The following LRRTM4 variants were observed in gnomAD, a reference collection of about 807,000 sequenced individuals.
LRRTM4 encodes leucine rich repeat transmembrane neuronal 4.
In LRRTM4, 25 loss-of-function variants were observed where a neutral mutation model predicts 47.6. That is an observed-to-expected ratio of 0.53 (90% confidence interval 0.38 to 0.73). The LOEUF is 0.73. Ranked by LOEUF, LRRTM4 falls within the 30% of genes least tolerant of loss-of-function variation. The probability of loss-of-function intolerance (pLI) is 0.00; values close to 1 mark genes in which losing one functional copy is unlikely to be tolerated. For synonymous variants in LRRTM4, 311 were observed against 269.5 expected, an observed-to-expected ratio of 1.15 and a Z score of -1.51; for missense variants, 638 against 713.4, an observed-to-expected ratio of 0.89 and a Z score of 1.20.
intron 3 of LRRTM4, among the ~76,000 whole-genome samples, chr2:76,870,546 T>C (rs13402959): frequency 0.014 from 2,131 of 152,078 alleles, 53 homozygotes; most frequent in African/African-American, 0.049. Flanking sequence ...GCCAATGAAC[T>C]TTTTTTTCCA....
chr2:77,090,017 T>C (rs1236346006), intron 3 of LRRTM4, among the ~76,000 whole-genome samples: 1 of 152,112 alleles, frequency 6.6e-6, no homozygotes, highest in African/African-American at 2.4e-5. Context: ...GTTATCTTCC[T>C]TTTCTACAGA....
At chr2:77,297,576 A>C (rs1279558491) in intron 3 of LRRTM4, among the ~76,000 whole-genome samples, 1 of 152,164 alleles carries the variant, frequency 6.6e-6, no homozygotes, top group Non-Finnish European at 1.5e-5. Context: ...CTTTGGACCC[A>C]GGGATTAATT....
At chr2:76,775,578 T>G (rs1331339630) in intron 3 of LRRTM4, among the ~76,000 whole-genome samples, 1 of 152,028 alleles carries the variant, frequency 6.6e-6, no homozygotes, top group Admixed American at 6.6e-5. Flanking sequence ...ACCTTCCTGT[T>G]TTACAAGCAA....
intron 3 of LRRTM4, among the ~76,000 whole-genome samples, chr2:76,939,153 G>A (rs1675051854): frequency 6.6e-6 from 1 of 150,598 alleles, no homozygotes; most frequent in Non-Finnish European, 1.5e-5. Flanking sequence ...ACCTGTTACT[G>A]AAAAAAAAAT....
chr2:77,039,905 A>G (rs973562634), intron 3 of LRRTM4, among the ~76,000 whole-genome samples: 34 of 151,136 alleles, frequency 2.2e-4, no homozygotes, highest in Non-Finnish European at 3.0e-5. Flanking sequence ...TTTTCTCATT[A>G]GTTAATATTA....
intron 3 of LRRTM4, among the ~76,000 whole-genome samples, chr2:77,005,054 C>T (rs537377216): frequency 6.6e-6 from 1 of 152,116 alleles, no homozygotes; most frequent in African/African-American, 2.4e-5. Context: ...GGACTTGCCT[C>T]GTCTGCAATG....
rs183147485 is a variant in LRRTM4 at position 77,273,845 on chromosome 2, C to T, written c.1551+244473G>A. Among the ~76,000 whole-genome samples the T allele has an allele frequency of 2.0e-5, 3 of 152,252 alleles. No individual in the cohort carries two copies. The East Asian group carries it at 5.8e-4, about 29-fold the overall frequency. The stretch of plus-strand genomic sequence containing the variant: ...TCATGTATTGATTGACTTTACAAAA[C>T]ATGTGGATGTTTACATATTACCATA... On this transcript the variant is annotated intron_variant, in intron 3 of 3. Transcript: ENST00000409884.
chr2:77,004,130 A>G (rs1029116764), intron 3 of LRRTM4, among the ~76,000 whole-genome samples: 6 of 152,222 alleles, frequency 3.9e-5, no homozygotes, highest in Non-Finnish European at 8.8e-5. Flanking sequence ...CCTGAAATGC[A>G]GTAGAAAAGA....
At chr2:76,867,516 T>G (rs1316788570) in intron 3 of LRRTM4, among the ~76,000 whole-genome samples, 1 of 152,274 alleles carries the variant, frequency 6.6e-6, no homozygotes, top group Non-Finnish European at 1.5e-5. Flanking sequence ...GTTTTAATTT[T>G]TTGTTAGTTT....
chr2:77,028,292 A>G lies in LRRTM4; in HGVS notation c.1552-279376T>C, dbSNP rs532241695. On this transcript the variant is annotated intron_variant, in intron 3 of 3. Transcript: ENST00000409884. ...GGCTAGTGTTCAACGATACAGAAAT[A>G]GAACATCAGAAGCCAAAAGCATGAA... Among the ~76,000 whole-genome samples the G allele has an allele frequency of 1.2e-4, 18 of 152,330 alleles. No individual in the cohort carries two copies. In the South Asian group the frequency reaches 2.7e-3, roughly 23 times the overall value.
intron 3 of LRRTM4, among the ~76,000 whole-genome samples, chr2:76,957,197 G>A (rs1303709546): frequency 6.6e-6 from 1 of 151,648 alleles, no homozygotes; most frequent in Non-Finnish European, 1.5e-5. Flanking sequence ...CTTATGGGAG[G>A]TGTTAAAGTG....
chr2:77,071,244 CTTAAACT>C (rs1387369263), intron 3 of LRRTM4, among the ~76,000 whole-genome samples: 5 of 152,132 alleles, frequency 3.3e-5, no homozygotes, highest in African/African-American at 1.2e-4. Context: ...AATTACATAA[CTTAAACT>C]TTAATTTGTT....
chr2:76,800,560 A>C (rs1464635139), intron 3 of LRRTM4, among the ~76,000 whole-genome samples: 2 of 146,548 alleles, frequency 1.4e-5, no homozygotes, highest in African/African-American at 5.1e-5. Flanking sequence ...CTTCATGTCT[A>C]AAACACCAAA....
At chr2:77,348,024 T>TACACACAC (rs10597438) in intron 3 of LRRTM4, among the ~76,000 whole-genome samples, 2 of 148,440 alleles carry the variant, frequency 1.3e-5, no homozygotes, top group African/African-American at 4.9e-5. Flanking sequence ...AAAACACAAG[T>TACACACAC]ACACACACAC....
intron 3 of LRRTM4, among the ~76,000 whole-genome samples, chr2:76,807,476 A>ATATATATG (rs1553412716): frequency 6.6e-5 from 9 of 136,994 alleles, no homozygotes; most frequent in African/African-American, 2.7e-4. Context: ...ATATACATAT[A>ATATATATG]TATATATATA....
At chr2:77,444,446 G>T (rs536110075) in intron 3 of LRRTM4, among the ~76,000 whole-genome samples, 56 of 152,004 alleles carry the variant, frequency 3.7e-4, no homozygotes, top group Non-Finnish European at 6.6e-4. Context: ...TTTTATGAAA[G>T]AATAACGTGG....
chr2:77,346,387 TC>T (rs1336182809), intron 3 of LRRTM4, among the ~76,000 whole-genome samples: 9 of 152,284 alleles, frequency 5.9e-5, no homozygotes, highest in African/African-American at 2.2e-4. Context: ...CATCTCACTA[TC>T]AATTAAATAT....
intron 3 of LRRTM4, among the ~76,000 whole-genome samples, chr2:77,019,095 A>G (rs1045680270): frequency 6.6e-6 from 1 of 151,996 alleles, no homozygotes; most frequent in Admixed American, 6.6e-5. Context: ...TCACAGTGCT[A>G]TATGAAAAAC....
intron 3 of LRRTM4, among the ~76,000 whole-genome samples, chr2:76,758,148 A>C (rs1408952917): frequency 6.6e-6 from 1 of 152,176 alleles, no homozygotes; most frequent in African/African-American, 2.4e-5. Flanking sequence ...ATCTTGCCTG[A>C]GAAGGATGCA....
Sources: gnomAD v4.1 joint callset for allele counts (sites outside exome capture counted in the v4.1 genomes callset) on GRCh38, gnomAD v4.1.1 for gene constraint, MANE v1.5 for transcripts, NCBI Gene and HGNC (gene_info 2026-07-23, HGNC 2026-07-21) for gene names.